Variants in ARID2 observed in about 807,000 individuals in gnomAD.
The protein encoded by ARID2 is AT-rich interactive domain-containing protein 2.
Under a neutral mutation model 184.6 loss-of-function variants are expected in ARID2, and 32 were observed. The observed-to-expected ratio is 0.17, with a 90% CI of 0.13 to 0.23. ARID2 has a LOEUF of 0.23. Among genes scored for constraint, ARID2 ranks in the 10% least tolerant of loss-of-function variants. The probability of loss-of-function intolerance (pLI) is 1.00; values close to 1 mark genes in which losing one functional copy is unlikely to be tolerated. For synonymous variants in ARID2, 836 were observed against 772.6 expected, an observed-to-expected ratio of 1.08 and a Z score of -1.36; for missense variants, 1,696 against 2,197.6, an observed-to-expected ratio of 0.77 and a Z score of 4.56.
At chr12:45,828,549 T>C (rs1943048349) in intron 6 of ARID2, among the ~76,000 whole-genome samples, 1 of 152,082 alleles carries the variant, frequency 6.6e-6, no homozygotes, top group Non-Finnish European at 1.5e-5. Context: ...CTACCAAACA[T>C]GTTTCAAAGC....
intron 3 of ARID2, among the ~76,000 whole-genome samples, chr12:45,785,298 CT>C (rs1181675791): frequency 6.6e-6 from 1 of 152,170 alleles, no homozygotes; most frequent in African/African-American, 2.4e-5. Flanking sequence ...TTTCTACTTA[CT>C]AAAAGGTTTT....
rs1592118646 is a variant in ARID2, at chr12:45,849,858, A to T, written c.1912+82A>T. ...AAAAATATATATTCTATGCATTTTA[A>T]ATGTATAACTTTTGTGTCTCCAGTA... On this transcript the variant is annotated intron_variant, in intron 14 of 20. Coordinates refer to ENST00000334344, the MANE Select transcript of ARID2 (RefSeq NM_152641.4). The T allele has an allele frequency of 8.3e-6, 12 of 1,442,560 alleles. No homozygotes were observed. In the East Asian group the frequency reaches 3.0e-4, roughly 36 times the overall value. 89.4% of individuals were successfully genotyped at this position (1,442,560 alleles called of 1,614,324 possible).
At chr12:45,751,538 A>G (rs1234488582) in intron 3 of ARID2, among the ~76,000 whole-genome samples, 1 of 152,232 alleles carries the variant, frequency 6.6e-6, no homozygotes, top group Admixed American at 6.5e-5. Context: ...GGTAGAACCA[A>G]AGAGTCTTGA....
Position 45,848,963 on chromosome 12 carries a change from T to C in ARID2, c.1708T>C (p.Cys570Arg). The change falls in exon 13 of 21, where the codon TGT becomes CGT. Residue 570 changes from cysteine (C) to arginine (R), a missense_variant. Physicochemically the swap from Cys to Arg is radical, Grantham distance 180. Coordinates refer to ENST00000334344, the MANE Select transcript of ARID2 (RefSeq NM_152641.4). Reference protein sequence around the residue: ...GILTSTGFYKCLRTVFPNHTV... With the variant: ...GILTSTGFYKRLRTVFPNHTV... ...CCTAACATCAACTGGATTTTATAAA[T>C]GTCTTAGGTAGGATCCATAGTTCTT... is the stretch of plus-strand genomic sequence containing the variant. 1 of 1,611,690 alleles carries C rather than the reference T, an allele frequency of 6.2e-7. No individual in the cohort carries two copies. The highest frequency in any genetic ancestry group is 8.5e-7 in the Non-Finnish European group (1 of 1,178,666).
At chr12:45,791,783 C>T (rs549734475) in intron 3 of ARID2, among the ~76,000 whole-genome samples, 2 of 152,284 alleles carry the variant, frequency 1.3e-5, no homozygotes, top group South Asian at 4.1e-4. Context: ...TATTTCTCAA[C>T]TATCTGATAT....
chr12:45,832,674 C>CT (rs1943143140), intron 6 of ARID2, among the ~76,000 whole-genome samples: 1 of 152,044 alleles, frequency 6.6e-6, no homozygotes, highest in Non-Finnish European at 1.5e-5. Flanking sequence ...CATTTACAGT[C>CT]TGGTCTCTGA....
chr12:45,815,724 T>TA (rs1167408262), intron 4 of ARID2, among the ~76,000 whole-genome samples: 1 of 152,152 alleles, frequency 6.6e-6, no homozygotes, highest in African/African-American at 2.4e-5. Context: ...TGCAGTGACT[T>TA]AACCAAAGCT....
chr12:45,846,795 A>T, intron 11 of ARID2, 61 bp from the exon 12 acceptor site: 1 of 1,524,584 alleles, frequency 6.6e-7, no homozygotes, highest in South Asian at 1.1e-5. Flanking sequence ...CATAAAAAAA[A>T]GTATGGCAAA....
At chr12:45,848,115 A>T (rs1373471799) in intron 12 of ARID2, among the ~76,000 whole-genome samples, 2 of 151,612 alleles carry the variant, frequency 1.3e-5, no homozygotes, top group African/African-American at 2.4e-5. Context: ...TTTTTTTTTT[A>T]AATCATAATT....
Position 45,839,508 on chromosome 12 carries a change from C to T in ARID2, c.1498+12C>T, listed in dbSNP as rs2138137848. 6.2e-7 allele frequency: 1 copy of T among 1,603,340 alleles called. No individual in the cohort carries two copies. Among genetic ancestry groups the T allele is most frequent in the Non-Finnish European group, 8.5e-7 (1 of 1,176,356 alleles). The stretch of plus-strand genomic sequence containing the variant: ...AGCATCTGCCCCAGGTTAGTGTTTT[C>T]ACATATTCTTTTTCAGTGTGGTTAC... On this transcript the variant is annotated intron_variant, in intron 11 of 20. Transcript: ENST00000334344.
At position 45,907,796 on chromosome 12, in the gene ARID2, G is replaced by A. The variant is rs1247656412; in HGVS notation, c.*2718G>A. 4.3e-6 allele frequency: 1 copy of A among 232,366 alleles called. No individual in the cohort carries two copies. Among genetic ancestry groups the A allele is most frequent in the Non-Finnish European group, 8.5e-6 (1 of 117,270 alleles). The allele number at this position is 232,366 out of a possible 1,614,324, so 14.4% of individuals were successfully genotyped here. On this transcript the variant is annotated 3_prime_UTR_variant, in exon 21 of 21. Transcript: ENST00000334344. Reference sequence around the variant, plus strand: ...TAATATAGTCTACAACATAGAGACTGTATAATTCTGTGTTATATATGTGCC... The same window carrying A: ...TAATATAGTCTACAACATAGAGACTATATAATTCTGTGTTATATATGTGCC...
intron 16 of ARID2, among the ~76,000 whole-genome samples, chr12:45,875,148 C>T (rs1943990281): frequency 6.6e-6 from 1 of 152,112 alleles, no homozygotes; most frequent in Admixed American, 6.6e-5. Flanking sequence ...GTTGAAGTGA[C>T]TGCTTGTTCC....
At chr12:45,749,716 C>T (rs1941422997) in intron 3 of ARID2, among the ~76,000 whole-genome samples, 2 of 152,224 alleles carry the variant, frequency 1.3e-5, no homozygotes, top group South Asian at 4.1e-4. Context: ...ACTGTCACCA[C>T]TTGCTGCTTC....
intron 3 of ARID2, chr12:45,776,024 A>G (rs548475298): frequency 1.8e-5 from 3 of 167,818 alleles, no homozygotes; most frequent in Non-Finnish European, 2.9e-5. Context: ...GCTTACATAT[A>G]TTTAGATATG....
intron 3 of ARID2, among the ~76,000 whole-genome samples, chr12:45,774,895 T>C (rs1941945647): frequency 6.6e-6 from 1 of 152,206 alleles, no homozygotes; most frequent in African/African-American, 2.4e-5. Context: ...ACGGCAGTAG[T>C]TCTCCATAAG....
chr12:45,831,588 T>C (rs971204207), intron 6 of ARID2, among the ~76,000 whole-genome samples: 2 of 152,190 alleles, frequency 1.3e-5, no homozygotes, highest in African/African-American at 2.4e-5. Context: ...TCACTCTGTT[T>C]TGCTATCAGA....
intron 4 of ARID2, among the ~76,000 whole-genome samples, chr12:45,814,980 T>C (rs535226280): frequency 6.6e-6 from 1 of 152,334 alleles, no homozygotes; most frequent in East Asian, 1.9e-4. Context: ...TAAAGGATAT[T>C]TCATAATTGT....
chr12:45,894,725 T>A (rs1303831289), intron 20 of ARID2, among the ~76,000 whole-genome samples: 1 of 152,016 alleles, frequency 6.6e-6, no homozygotes, highest in Non-Finnish European at 1.5e-5. Context: ...TTGAGCCAAG[T>A]TTTTTTTAGA....
chr12:45,906,614 G>A lies in ARID2; in HGVS notation c.*1536G>A, dbSNP rs995415339. 2 of 232,262 alleles carry A rather than the reference G, an allele frequency of 8.6e-6. No individual in the cohort carries two copies. The highest frequency in any genetic ancestry group is 2.2e-5 in the African/African-American group (1 of 45,290). 14.4% of individuals were successfully genotyped at this position (232,262 alleles called of 1,614,324 possible). A position where few individuals can be genotyped will look rare whatever the true frequency, so the allele number is the denominator to read the frequency against. On this transcript the variant is annotated 3_prime_UTR_variant, in exon 21 of 21. Transcript: ENST00000334344. ...GAGAGAATTCTAAATTCAGCTGAAGGCAAGGTATAACGGTCACCTACCTAT... is the reference window on the plus strand; with the variant it reads ...GAGAGAATTCTAAATTCAGCTGAAGACAAGGTATAACGGTCACCTACCTAT...
Sources: gnomAD v4.1 joint callset for allele counts (sites outside exome capture counted in the v4.1 genomes callset) on GRCh38, gnomAD v4.1.1 for gene constraint, MANE v1.5 for transcripts, NCBI Gene and HGNC (gene_info 2026-07-23, HGNC 2026-07-21) for gene names.